The following SLC1A2 variants were observed in gnomAD, a reference collection of about 807,000 sequenced individuals.
SLC1A2 encodes excitatory amino acid transporter 2.
In SLC1A2, 15 loss-of-function variants were observed where a neutral mutation model predicts 48.8. The observed-to-expected ratio is 0.31, with a 90% CI of 0.21 to 0.47. SLC1A2 has a LOEUF of 0.47. SLC1A2 is among the 20% of genes least tolerant of loss of function. The probability of loss-of-function intolerance (pLI) is 0.99; values close to 1 mark genes in which losing one functional copy is unlikely to be tolerated. For synonymous variants in SLC1A2, 279 were observed against 272.6 expected, an observed-to-expected ratio of 1.02 and a Z score of -0.23; for missense variants, 502 against 730.5, an observed-to-expected ratio of 0.69 and a Z score of 3.61.
At chr11:35,371,677 C>T (rs1481168664) in intron 1 of SLC1A2, among the ~76,000 whole-genome samples, 2 of 151,776 alleles carry the variant, frequency 1.3e-5, no homozygotes, top group African/African-American at 4.8e-5. Context: ...GTCAGAAGTA[C>T]AATTAGCTGA....
rs1014134635 is a variant in SLC1A2, at chr11:35,259,377, A to G, written c.*1517T>C. 4 of 152,736 alleles carry G rather than the reference A, an allele frequency of 2.6e-5. No homozygotes were observed. Among genetic ancestry groups the G allele is most frequent in the Non-Finnish European group, 5.9e-5 (4 of 68,018 alleles). 9.5% of individuals were successfully genotyped at this position (152,736 alleles called of 1,614,324 possible). On this transcript the variant is annotated 3_prime_UTR_variant, in exon 11 of 11. Coordinates refer to ENST00000278379, the MANE Select transcript of SLC1A2 (RefSeq NM_004171.4). ...AGAGTCAAATGTGCTTTATTTCTCA[A>G]TGATTCAAGTCCCAAGCTTACTCCC...
At chr11:35,389,620 G>A (rs539196528) in intron 1 of SLC1A2, among the ~76,000 whole-genome samples, 7 of 152,126 alleles carry the variant, frequency 4.6e-5, no homozygotes, top group East Asian at 3.9e-4. Flanking sequence ...ACAGGCACGA[G>A]CCACTATGTC....
chr11:35,395,891 T>C (rs929879238), intron 1 of SLC1A2, among the ~76,000 whole-genome samples: 3 of 140,518 alleles, frequency 2.1e-5, no homozygotes, highest in African/African-American at 8.1e-5. Flanking sequence ...GTGATCTCAT[T>C]GTTCAATTCC....
intron 5 of SLC1A2, among the ~76,000 whole-genome samples, chr11:35,305,608 C>A (rs1851477412): frequency 6.6e-6 from 1 of 152,184 alleles, no homozygotes; most frequent in Non-Finnish European, 1.5e-5. Context: ...CCCTTGGTAC[C>A]TACTCCAACA....
rs1950293722 is a variant in SLC1A2 at position 35,254,956 on chromosome 11, G to A, written c.*5938C>T. The A allele has an allele frequency of 3.1e-6, 1 of 321,782 alleles. No homozygotes were observed. The highest frequency in any genetic ancestry group is 6.1e-6 in the Non-Finnish European group (1 of 163,950). The allele number at this position is 321,782 out of a possible 1,614,324, so 19.9% of individuals were successfully genotyped here. On this transcript the variant is annotated 3_prime_UTR_variant, in exon 11 of 11. Coordinates refer to ENST00000278379, the MANE Select transcript of SLC1A2 (RefSeq NM_004171.4). ...GGATAAATGAAATAGGAACTTAGGG[G>A]CATCTCTCACTTTTCTACAGGTTCT...
chr11:35,366,780 G>C (rs1433914556), intron 1 of SLC1A2, among the ~76,000 whole-genome samples: 1 of 152,182 alleles, frequency 6.6e-6, no homozygotes, highest in Admixed American at 6.6e-5. Flanking sequence ...AGTTCCCCAT[G>C]GTTCTGCTAT....
chr11:35,304,149 T>C (rs1851434032), intron 5 of SLC1A2, among the ~76,000 whole-genome samples: 1 of 152,128 alleles, frequency 6.6e-6, no homozygotes, highest in Admixed American at 6.5e-5. Flanking sequence ...CTCTTGGACT[T>C]GGCCGCTGGG....
rs1036900106 is a variant in SLC1A2 at position 35,258,518 on chromosome 11, T to A, written c.*2376A>T. ...TCCATAGCAAAAAACAACAAGCTCC[T>A]AGACGCTTTGCCTATAGCCTCCAAC... On this transcript the variant is annotated 3_prime_UTR_variant, in exon 11 of 11. Transcript: ENST00000278379. The A allele has an allele frequency of 1.6e-4, 24 of 152,768 alleles. No homozygotes were observed. Among genetic ancestry groups the A allele is most frequent in the African/African-American group, 5.5e-4 (23 of 41,568 alleles). The allele number at this position is 152,768 out of a possible 1,614,324, so 9.5% of individuals were successfully genotyped here.
chr11:35,383,635 C>T (rs1854499326), intron 1 of SLC1A2, among the ~76,000 whole-genome samples: 1 of 152,162 alleles, frequency 6.6e-6, no homozygotes, highest in Admixed American at 6.5e-5. Context: ...TTCTGAAGAT[C>T]ACACAAGCTA....
intron 1 of SLC1A2, among the ~76,000 whole-genome samples, chr11:35,355,692 C>G (rs139053774): frequency 3.3e-5 from 5 of 152,112 alleles, no homozygotes; most frequent in African/African-American, 1.2e-4. Context: ...CAAGACCAGC[C>G]TAGTCAACAT....
At chr11:35,303,373 C>T (rs2134811528) in intron 5 of SLC1A2, among the ~76,000 whole-genome samples, 2 of 152,216 alleles carry the variant, frequency 1.3e-5, no homozygotes, top group South Asian at 4.2e-4. Context: ...TTGCTCTCAG[C>T]TAGAAAGCTT....
chr11:35,390,270 GC>G (rs1854722606), intron 1 of SLC1A2, among the ~76,000 whole-genome samples: 1 of 152,144 alleles, frequency 6.6e-6, no homozygotes, highest in African/African-American at 2.4e-5. Context: ...TGATGTCTCA[GC>G]GCACACCCAC....
At chr11:35,317,281 C>T in intron 2 of SLC1A2, 96 bp downstream of exon 2, 1 of 1,403,582 alleles carries the variant, frequency 7.1e-7, no homozygotes, top group Non-Finnish European at 9.7e-7. Context: ...GGCTTCCTTT[C>T]TGGTGGAAGG....
At chr11:35,325,788 C>G (rs575536214) in intron 1 of SLC1A2, among the ~76,000 whole-genome samples, 1 of 151,928 alleles carries the variant, frequency 6.6e-6, no homozygotes, top group Non-Finnish European at 1.5e-5. Flanking sequence ...CATAGTGAAA[C>G]CCTGTCTCTA....
At chr11:35,366,430 T>C (rs1376986060) in intron 1 of SLC1A2, among the ~76,000 whole-genome samples, 1 of 152,204 alleles carries the variant, frequency 6.6e-6, no homozygotes, top group Admixed American at 6.6e-5. Context: ...TTAAAACTCC[T>C]CAGGAGTAGC....
intron 4 of SLC1A2, among the ~76,000 whole-genome samples, chr11:35,309,729 C>T (rs1851627501): frequency 6.6e-6 from 1 of 152,176 alleles, no homozygotes; most frequent in African/African-American, 2.4e-5. Flanking sequence ...CTCACGCACC[C>T]TTTCTCTCTG....
intron 4 of SLC1A2, among the ~76,000 whole-genome samples, chr11:35,309,276 G>A (rs1851612552): frequency 6.6e-6 from 1 of 152,118 alleles, no homozygotes; most frequent in Admixed American, 6.5e-5. Context: ...CTTGGGGCAG[G>A]GTCCTCATCT....
chr11:35,287,272 TA>T (rs35828529), intron 7 of SLC1A2, among the ~76,000 whole-genome samples: 26,724 of 149,740 alleles, frequency 0.18, 2,758 homozygotes, highest in Admixed American at 0.26. Context: ...TGATTGCCCA[TA>T]TTAATTGGGT....
intron 1 of SLC1A2, among the ~76,000 whole-genome samples, chr11:35,363,835 AC>A (rs1853760047): frequency 6.6e-6 from 1 of 152,172 alleles, no homozygotes; most frequent in Admixed American, 6.5e-5. Context: ...GGGGCATCAT[AC>A]CTTTTCCTCA....
Sources: gnomAD v4.1 joint callset for allele counts (sites outside exome capture counted in the v4.1 genomes callset) on GRCh38, gnomAD v4.1.1 for gene constraint, MANE v1.5 for transcripts, NCBI Gene and HGNC (gene_info 2026-07-23, HGNC 2026-07-21) for gene names.